CHRM5: variants seen among roughly 807,000 people sequenced by gnomAD.
The protein encoded by CHRM5 is muscarinic acetylcholine receptor M5.
Under a neutral mutation model 39.0 loss-of-function variants are expected in CHRM5, and 18 were observed. The observed-to-expected ratio is 0.46, with a 90% CI of 0.32 to 0.68. The LOEUF is 0.68. Among genes scored for constraint, CHRM5 ranks in the 30% least tolerant of loss-of-function variants. The probability of loss-of-function intolerance (pLI) is 0.04; values close to 1 mark genes in which losing one functional copy is unlikely to be tolerated. For synonymous variants in CHRM5, 241 were observed against 246.3 expected, an observed-to-expected ratio of 0.98 and a Z score of 0.20; for missense variants, 515 against 651.1, an observed-to-expected ratio of 0.79 and a Z score of 2.28.
intron 1 of CHRM5, among the ~76,000 whole-genome samples, chr15:34,037,106 T>C (rs1289336361): frequency 3.2e-5 from 4 of 123,154 alleles, no homozygotes; most frequent in African/African-American, 1.9e-4. Context: ...TAAAACTCCG[T>C]CTCAAAAAAA....
chr15:34,044,305 G>A (rs1899602570), intron 1 of CHRM5, among the ~76,000 whole-genome samples: 1 of 152,132 alleles, frequency 6.6e-6, no homozygotes, highest in South Asian at 2.1e-4. Flanking sequence ...TGATCTCCAT[G>A]TAACTAAATC....
intron 1 of CHRM5, among the ~76,000 whole-genome samples, chr15:34,035,957 G>A (rs906056120): frequency 2.0e-5 from 3 of 151,942 alleles, no homozygotes; most frequent in Non-Finnish European, 2.9e-5. Context: ...CGCCATGCTC[G>A]GCAGTTTTGT....
At chr15:34,024,525 GAAAACTATCAAATT>G (rs1394271606) in intron 1 of CHRM5, among the ~76,000 whole-genome samples, 97 of 149,146 alleles carry the variant, frequency 6.5e-4, no homozygotes, top group Non-Finnish European at 3.3e-4. Context: ...ATTCATTAAG[GAAAACTATCAAATT>G]AAAACTACAA....
rs1394309313 is a variant in CHRM5, at chr15:34,063,328, T to A, written c.611T>A (p.Ile204Asn). Reference sequence around the variant, plus strand: ...GGCACTGCCATTGCTGCCTTCTACATCCCTGTTTCTGTCATGACCATCCTC... The same window carrying A: ...GGCACTGCCATTGCTGCCTTCTACAACCCTGTTTCTGTCATGACCATCCTC... ...TFGTAIAAFY[I>N]PVSVMTILYC... The change falls in exon 3 of 3, where the codon ATC (isoleucine) becomes AAC (asparagine). Residue 204 changes from isoleucine to asparagine, a missense_variant. Ile to Asn is a moderately radical substitution (Grantham distance 149). Transcript: ENST00000383263. This position sits in a 1 kb window ranked among gnomAD's most constrained non-coding sequence, Gnocchi z 4.1. 1 of 1,614,128 alleles carries A rather than the reference T, an allele frequency of 6.2e-7. No individual in the cohort carries two copies. The highest frequency in any genetic ancestry group is 2.2e-5 in the East Asian group (1 of 44,876).
chr15:34,062,698 T>C lies in CHRM5; in HGVS notation c.-20T>C, dbSNP rs749692270. The C allele has an allele frequency of 2.0e-5, 32 of 1,589,424 alleles. No individual in the cohort carries two copies. In the South Asian group the frequency reaches 3.6e-4, roughly 18 times the overall value. The stretch of plus-strand genomic sequence containing the variant: ...CAGCCTAGAACCTAACACTATTTAC[T>C]GTAAAATTTTTGCACCAGGATGGAA... On this transcript the variant is annotated 5_prime_UTR_variant, in exon 3 of 3. Transcript: ENST00000383263.
In CHRM5 at chr15:34,064,415, T is replaced by C. The variant is rs565088108; in HGVS notation, c.*99T>C. The C allele has an allele frequency of 1.0e-5, 14 of 1,382,960 alleles. No homozygotes were observed. In the African/African-American group the frequency reaches 2.0e-4, roughly 20 times the overall value. The allele number at this position is 1,382,960 out of a possible 1,614,324, so 85.7% of individuals were successfully genotyped here. On this transcript the variant is annotated 3_prime_UTR_variant, in exon 3 of 3. Coordinates refer to ENST00000383263, the MANE Select transcript of CHRM5 (RefSeq NM_012125.4). ...TTTGTATATTTTCAAAAAGAAGACA[T>C]CTCATTTTGAGTCCTTGAAGATTTT...
Position 34,064,691 on chromosome 15 carries a change from CT to C in CHRM5, c.*376del. 1 of 233,242 alleles carries C rather than the reference CT, an allele frequency of 4.3e-6. No individual in the cohort carries two copies. The highest frequency in any genetic ancestry group is 9.1e-6 in the Non-Finnish European group (1 of 109,924). The allele number at this position is 233,242 out of a possible 1,614,324, so 14.4% of individuals were successfully genotyped here. ...GGTGGAAACCTTTTCCTGTGGAAAC[CT>C]GTCATAGAATTTTGTGCAATATGTA... On this transcript the variant is annotated 3_prime_UTR_variant, in exon 3 of 3. Coordinates refer to ENST00000383263, the MANE Select transcript of CHRM5 (RefSeq NM_012125.4).
rs113503427 is a variant in CHRM5 at position 34,008,950 on chromosome 15, G to A, written c.-407-37590G>A. Among the ~76,000 whole-genome samples, 226 of 23,544 alleles carry A rather than the reference G, an allele frequency of 9.6e-3. 1 individual carries two copies. The highest frequency in any genetic ancestry group is 0.013 in the African/African-American group (217 of 17,240). The allele number at this position is 23,544 out of a possible 152,430, so 15.4% of individuals were successfully genotyped here. On this transcript the variant is annotated intron_variant, in intron 1 of 2. Coordinates refer to ENST00000383263, the MANE Select transcript of CHRM5 (RefSeq NM_012125.4). ...TTAAAACACACACTCACACGTGCGC[G>A]CGCGCACACACACACACACACACAC...
At chr15:34,051,612 AAG>A (rs142760154) in intron 2 of CHRM5, among the ~76,000 whole-genome samples, 26,896 of 152,042 alleles carry the variant, frequency 0.18, 3,130 homozygotes, top group African/African-American at 0.33. Context: ...TAAAGAAGAA[AAG>A]AGAGAAGAAT....
intron 1 of CHRM5, among the ~76,000 whole-genome samples, chr15:33,975,775 C>T (rs568942888): frequency 6.6e-6 from 1 of 152,176 alleles, no homozygotes; most frequent in South Asian, 2.1e-4. Flanking sequence ...ACTGAGAATA[C>T]AAAAATTAGC....
Position 33,986,106 on chromosome 15 carries a change from TTTTTG to T in CHRM5, c.-408+16961_-408+16965del, listed in dbSNP as rs202193871. 9.5e-4 allele frequency among the ~76,000 whole-genome samples: 143 copies of T among 150,734 alleles called. 2 individuals carry two copies. The East Asian group carries it at 0.016, about 17-fold the overall frequency. On this transcript the variant is annotated intron_variant, in intron 1 of 2. Transcript: ENST00000383263. ...TTTCACTGTAAATTTTTTTTTTTGT[TTTTTG>T]TTTTTTGTTTTTTGAGATGGACTCT...
chr15:34,041,210 T>G (rs187574316), intron 1 of CHRM5, among the ~76,000 whole-genome samples: 1 of 152,222 alleles, frequency 6.6e-6, no homozygotes, highest in Admixed American at 6.5e-5. Flanking sequence ...TCCCCCTCAT[T>G]AAGACAACCA....
chr15:33,978,089 C>T (rs1895965603), intron 1 of CHRM5, among the ~76,000 whole-genome samples: 1 of 151,968 alleles, frequency 6.6e-6, no homozygotes, highest in Non-Finnish European at 1.5e-5. Context: ...TCAAAAGTCA[C>T]TATGTCTATA....
intron 1 of CHRM5, among the ~76,000 whole-genome samples, chr15:34,011,200 CTTTG>C (rs1006161029): frequency 9.9e-5 from 15 of 151,884 alleles, no homozygotes; most frequent in African/African-American, 3.6e-4. Context: ...TCAAAAAAAA[CTTTG>C]TTTACTAGGC....
rs71119922 is a variant in CHRM5, at chr15:34,053,319, A to AATATATATATATAT, written c.-76+6459_-76+6472dup. On this transcript the variant is annotated intron_variant, in intron 2 of 2. Transcript: ENST00000383263. The stretch of plus-strand genomic sequence containing the variant: ...CATCTCAAAAAAAAAAAAAAAAAAA[A>AATATATATATATAT]ATATATATATATATATATATATATG... Among the ~76,000 whole-genome samples the AATATATATATATAT allele has an allele frequency of 1.2e-3, 50 of 42,052 alleles. 1 individual carries two copies. Among genetic ancestry groups the AATATATATATATAT allele is most frequent in the African/African-American group, 3.3e-3 (42 of 12,558 alleles). 27.6% of individuals were successfully genotyped at this position (42,052 alleles called of 152,430 possible). A position where few individuals can be genotyped will look rare whatever the true frequency, so the allele number is the denominator to read the frequency against.
At chr15:34,060,133 G>T (rs376766254) in intron 2 of CHRM5, among the ~76,000 whole-genome samples, 1 of 152,296 alleles carries the variant, frequency 6.6e-6, no homozygotes, top group South Asian at 2.1e-4. Context: ...CTTTTCAGAT[G>T]CTGGGGAATC....
In CHRM5 at chr15:34,035,985, G is replaced by C. The variant is rs372604690; in HGVS notation, c.-407-10555G>C. ...AGTTTTGTATTTTTTTTATAGAGAG[G>C]GGGTCTCGTTATGTTGCCCAGTCTG... On this transcript the variant is annotated intron_variant, in intron 1 of 2. Transcript: ENST00000383263. Among the ~76,000 whole-genome samples the C allele has an allele frequency of 1.3e-4, 20 of 152,064 alleles. No individual in the cohort carries two copies. In the East Asian group the frequency reaches 3.7e-3, roughly 28 times the overall value.
rs1400151012 is a variant in CHRM5, at chr15:34,066,012, A to C, written c.*1696A>C. 5 of 152,288 alleles carry C rather than the reference A, an allele frequency of 3.3e-5. No individual in the cohort carries two copies. Among genetic ancestry groups the C allele is most frequent in the African/African-American group, 4.8e-5 (2 of 41,480 alleles). The allele number at this position is 152,288 out of a possible 1,614,324, so 9.4% of individuals were successfully genotyped here. A position where few individuals can be genotyped will look rare whatever the true frequency, so the allele number is the denominator to read the frequency against. ...CTTCAGCCTACCACTGAAGAGCATC[A>C]TCAGCCTCTCACAGGATGTCCCACG... On this transcript the variant is annotated 3_prime_UTR_variant, in exon 3 of 3. Coordinates refer to ENST00000383263, the MANE Select transcript of CHRM5 (RefSeq NM_012125.4).
intron 1 of CHRM5, among the ~76,000 whole-genome samples, chr15:34,015,057 A>T (rs1253782531): frequency 6.6e-6 from 1 of 152,102 alleles, no homozygotes; most frequent in African/African-American, 2.4e-5. Flanking sequence ...TGTCCTTAAC[A>T]GTGTGTCTCC....
Sources: gnomAD v4.1 joint callset for allele counts (sites outside exome capture counted in the v4.1 genomes callset) on GRCh38, gnomAD v4.1.1 for gene constraint, Gnocchi (gnomAD v3.1) non-coding constraint, MANE v1.5 for transcripts, NCBI Gene and HGNC (gene_info 2026-07-23, HGNC 2026-07-21) for gene names.